Variants in TNKS2 observed in about 807,000 individuals in gnomAD.
The protein encoded by TNKS2 is tankyrase 2, also known as poly [ADP-ribose] polymerase tankyrase-2.
TNKS2 carries 72 observed loss-of-function variants against 137.6 expected under a neutral mutation model. That is an observed-to-expected ratio of 0.52 (90% confidence interval 0.43 to 0.64). TNKS2 has a LOEUF of 0.64. Ranked by LOEUF, TNKS2 falls within the 30% of genes least tolerant of loss-of-function variation. TNKS2 has a pLI of 0.00. For synonymous variants in TNKS2, 516 were observed against 512.1 expected (o/e 1.01, Z -0.10); for missense variants, 1,049 against 1,410.2 (o/e 0.74, Z 4.10).
In TNKS2 at chr10:91,822,361, A is replaced by G; in HGVS notation, c.794A>G (p.Lys265Arg). 1 of 1,611,122 alleles carries G rather than the reference A, an allele frequency of 6.2e-7. No homozygotes were observed. The highest frequency in any genetic ancestry group is 2.2e-5 in the East Asian group (1 of 44,750). Residue 265 changes from lysine (K) to arginine (R), a missense_variant and splice_region_variant, in exon 7 of 27, where the codon AAG becomes AGG. Coordinates refer to ENST00000371627, the MANE Select transcript of TNKS2 (RefSeq NM_025235.4). ...TATGAAGTAACTGAACTTTTGGTCA[A>G]GGTTAGTGCTCTTGTACTCTCCTAA... ...GHYEVTELLV[K>R]HGACVNAMDL...
intron 6 of TNKS2, 132 bp from the exon 7 acceptor site, chr10:91,822,164 C>A: frequency 1.5e-6 from 1 of 679,992 alleles, no homozygotes; most frequent in Non-Finnish European, 2.3e-6. Flanking sequence ...AAATTTTGAA[C>A]ATTTTTATTA....
chr10:91,798,922 C>G, intron 1 of TNKS2, 33 bp downstream of exon 1: 1 of 1,340,394 alleles, frequency 7.5e-7, no homozygotes, highest in Non-Finnish European at 9.6e-7. Flanking sequence ...CGCCTCGCTC[C>G]AGACCCCACC....
intron 1 of TNKS2, among the ~76,000 whole-genome samples, chr10:91,811,781 T>C (rs1282561698): frequency 6.6e-6 from 1 of 152,192 alleles, no homozygotes; most frequent in African/African-American, 2.4e-5. Context: ...AATGGAGGGC[T>C]GGGCGCAGTG....
intron 1 of TNKS2, among the ~76,000 whole-genome samples, chr10:91,802,215 A>G (rs747200335): frequency 2.6e-5 from 4 of 152,228 alleles, no homozygotes; most frequent in Non-Finnish European, 5.9e-5. Flanking sequence ...AATCAAATAT[A>G]AGAGGGGATT....
intron 3 of TNKS2, among the ~76,000 whole-genome samples, 155 bp downstream of exon 3, chr10:91,817,384 T>G (rs1539041): frequency 0.77 from 117,703 of 152,220 alleles, 46,085 homozygotes; most frequent in East Asian, 0.91. Flanking sequence ...GCTGACATTT[T>G]ATTCTCCTCT....
At position 91,863,313 on chromosome 10, in the gene TNKS2, G is replaced by A. The variant is rs1842900953; in HGVS notation, c.*314G>A. On this transcript the variant is annotated 3_prime_UTR_variant, in exon 27 of 27. Transcript: ENST00000371627. Reference sequence around the variant, plus strand: ...TGCATTGATTCTAACAAACTGTAATGCCCTCAACAGAACTAATTTTACTAA... The same window carrying A: ...TGCATTGATTCTAACAAACTGTAATACCCTCAACAGAACTAATTTTACTAA... 1 of 209,224 alleles carries A rather than the reference G, an allele frequency of 4.8e-6. No homozygotes were observed. 13.0% of individuals were successfully genotyped at this position (209,224 alleles called of 1,614,324 possible). A position where few individuals can be genotyped will look rare whatever the true frequency, so the allele number is the denominator to read the frequency against.
chr10:91,798,645 G>A lies in TNKS2; in HGVS notation c.-46G>A, dbSNP rs1841319890. On this transcript the variant is annotated 5_prime_UTR_variant, in exon 1 of 27. Coordinates refer to ENST00000371627, the MANE Select transcript of TNKS2 (RefSeq NM_025235.4). ...TCCTGCTCGCGGGGCCGGGGCTCCT[G>A]CTCCGGTTGCTGGCGCTGTTGCTGG... 10 of 1,215,642 alleles carry A rather than the reference G, an allele frequency of 8.2e-6. No homozygotes were observed. In the South Asian group the frequency reaches 3.3e-4, roughly 40 times the overall value. The allele number at this position is 1,215,642 out of a possible 1,614,324, so 75.3% of individuals were successfully genotyped here. A position where few individuals can be genotyped will look rare whatever the true frequency, so the allele number is the denominator to read the frequency against.
In TNKS2 at chr10:91,841,380, T is replaced by C; in HGVS notation, c.1771T>C (p.Trp591Arg). 1 of 1,610,304 alleles carries C rather than the reference T, an allele frequency of 6.2e-7. No individual in the cohort carries two copies. Among genetic ancestry groups the C allele is most frequent in the Non-Finnish European group, 8.5e-7 (1 of 1,178,350 alleles). ...HGAVVNVADLWKFTPLHEAAA... is the reference protein window; with the variant it reads ...HGAVVNVADLRKFTPLHEAAA... ...AGCAGTAGTTAATGTAGCTGATTTA[T>C]GGAAATTTACACCTTTACATGAAGC... is the stretch of plus-strand genomic sequence containing the variant. Residue 591 changes from tryptophan to arginine, a missense_variant, in exon 15 of 27, where the codon TGG becomes CGG. Transcript: ENST00000371627.
At chr10:91,820,576 A>T (rs1844855002) in intron 6 of TNKS2, among the ~76,000 whole-genome samples, 1 of 152,248 alleles carries the variant, frequency 6.6e-6, no homozygotes, top group Non-Finnish European at 1.5e-5. Context: ...TTAGAGAAAT[A>T]GGTAAGAACC....
At position 91,842,237 on chromosome 10, in the gene TNKS2, A is replaced by T; in HGVS notation, c.1905A>T (p.Gly635=). The change falls in exon 16 of 27, where the codon GGA becomes GGT. Residue 635 remains glycine (G), a synonymous_variant. Coordinates refer to ENST00000371627, the MANE Select transcript of TNKS2 (RefSeq NM_025235.4). Reference sequence around the variant, plus strand: ...CTCCTTTGGATCTTGTTAAAGATGGAGATACAGATATTCAAGATCTGCTTA... The same window carrying T: ...CTCCTTTGGATCTTGTTAAAGATGGTGATACAGATATTCAAGATCTGCTTA... ...GNTPLDLVKD[G]DTDIQDLLRG... 6.2e-7 allele frequency: 1 copy of T among 1,613,990 alleles called. No individual in the cohort carries two copies. Among genetic ancestry groups the T allele is most frequent in the Admixed American group, 1.7e-5 (1 of 60,004 alleles).
At position 91,864,086 on chromosome 10, in the gene TNKS2, T is replaced by C. The variant is rs984692602; in HGVS notation, c.*1087T>C. ...TATTGCTGTATTTATAGCCAATCTA[T>C]ACATCATGGGTAAACTTAACCCAGA... On this transcript the variant is annotated 3_prime_UTR_variant, in exon 27 of 27. Transcript: ENST00000371627. 2.6e-5 allele frequency: 4 copies of C among 152,412 alleles called. No homozygotes were observed. The highest frequency in any genetic ancestry group is 9.6e-5 in the African/African-American group (4 of 41,582). The allele number at this position is 152,412 out of a possible 1,614,324, so 9.4% of individuals were successfully genotyped here. A position where few individuals can be genotyped will look rare whatever the true frequency, so the allele number is the denominator to read the frequency against.
chr10:91,853,592 A>G (rs559170228), intron 21 of TNKS2, among the ~76,000 whole-genome samples: 1 of 152,292 alleles, frequency 6.6e-6, no homozygotes, highest in African/African-American at 2.4e-5. Flanking sequence ...TCAATGCATC[A>G]AGTCAATAGA....
At chr10:91,829,543 G>C (rs1306758280) in intron 9 of TNKS2, among the ~76,000 whole-genome samples, 2 of 152,132 alleles carry the variant, frequency 1.3e-5, no homozygotes, top group Admixed American at 1.3e-4. Context: ...GTGCAGAGGA[G>C]TAGGGTGTAA....
chr10:91,853,749 G>C lies in TNKS2; in HGVS notation c.2816-1280G>C, dbSNP rs144855611. 3.8e-4 allele frequency among the ~76,000 whole-genome samples: 58 copies of C among 152,330 alleles called. No homozygotes were observed. The East Asian group carries it at 0.01, about 27-fold the overall frequency. On this transcript the variant is annotated intron_variant, in intron 21 of 26. Coordinates refer to ENST00000371627, the MANE Select transcript of TNKS2 (RefSeq NM_025235.4). ...AATCCTTAAAGATTATTGCAGTTCA[G>C]CCACTTCTGTAAGTGTTTATTAGCA...
chr10:91,826,063 T>C (rs761332303), intron 7 of TNKS2, among the ~76,000 whole-genome samples: 1 of 152,238 alleles, frequency 6.6e-6, no homozygotes, highest in Non-Finnish European at 1.5e-5. Context: ...TCAGATATTT[T>C]TTGGATTTGA....
At chr10:91,826,790 T>C (rs998443241) in intron 7 of TNKS2, among the ~76,000 whole-genome samples, 2 of 152,224 alleles carry the variant, frequency 1.3e-5, no homozygotes, top group African/African-American at 4.8e-5. Flanking sequence ...CGTTCTTAAC[T>C]GTTCTTAAAA....
At chr10:91,800,481 G>A (rs1016761865) in intron 1 of TNKS2, among the ~76,000 whole-genome samples, 4 of 152,172 alleles carry the variant, frequency 2.6e-5, no homozygotes, top group African/African-American at 9.7e-5. Context: ...ATTTAGAGGT[G>A]TAAGATTATG....
chr10:91,798,921 C>A (rs1478583007), intron 1 of TNKS2, 32 bp downstream of exon 1: 1 of 1,340,552 alleles, frequency 7.5e-7, no homozygotes, highest in South Asian at 1.9e-5. Flanking sequence ...TCGCCTCGCT[C>A]CAGACCCCAC....
chr10:91,806,396 A>G (rs1844327362), intron 1 of TNKS2, among the ~76,000 whole-genome samples: 1 of 152,184 alleles, frequency 6.6e-6, no homozygotes, highest in Non-Finnish European at 1.5e-5. Flanking sequence ...AAACTAATCC[A>G]TAGCCCTTCT....
Sources: allele counts gnomAD v4.1 joint callset (sites outside exome capture counted in the v4.1 genomes callset), GRCh38; gene constraint gnomAD v4.1.1; transcripts MANE v1.5; gene names NCBI Gene and HGNC (gene_info 2026-07-23, HGNC 2026-07-21).